The following CERS6 variants were observed in gnomAD, a reference collection of about 807,000 sequenced individuals.
CERS6 encodes ceramide synthase 6, also known as LAG1 homolog, ceramide synthase 6.
CERS6 carries 26 observed loss-of-function variants against 56.8 expected under a neutral mutation model. The ratio of observed to expected loss-of-function variants is 0.46; its 90% confidence interval spans 0.34 to 0.63. The LOEUF is 0.63. Ranked by LOEUF, CERS6 falls within the 30% of genes least tolerant of loss-of-function variation. CERS6 has a pLI of 0.01. For missense variants in CERS6, 415 were observed against 467.5 expected, an observed-to-expected ratio of 0.89 and a Z score of 1.04; for synonymous variants, 164 against 173.3, an observed-to-expected ratio of 0.95 and a Z score of 0.42.
intron 4 of CERS6, among the ~76,000 whole-genome samples, chr2:168,677,058 T>C (rs1237739041): frequency 6.7e-6 from 1 of 150,372 alleles, no homozygotes; most frequent in Non-Finnish European, 1.5e-5. Flanking sequence ...CTGGGATACA[T>C]GTGCAGAATG....
chr2:168,492,783 G>A (rs965065938), intron 1 of CERS6, among the ~76,000 whole-genome samples: 1 of 151,964 alleles, frequency 6.6e-6, no homozygotes, highest in Admixed American at 6.6e-5. Flanking sequence ...CTTTTATTGG[G>A]AGAGGAATAT....
intron 3 of CERS6, among the ~76,000 whole-genome samples, chr2:168,599,961 ATAAACCT>A (rs1319273174): frequency 3.3e-5 from 5 of 152,182 alleles, no homozygotes; most frequent in Non-Finnish European, 5.9e-5. Flanking sequence ...CTTCCCCTTA[ATAAACCT>A]AAGAGTCATT....
chr2:168,532,612 G>A (rs1224915498), intron 1 of CERS6, among the ~76,000 whole-genome samples: 1 of 152,008 alleles, frequency 6.6e-6, no homozygotes, highest in Non-Finnish European at 1.5e-5. Flanking sequence ...CTGTCTCAGG[G>A]CTTTCCATGT....
intron 8 of CERS6, among the ~76,000 whole-genome samples, chr2:168,761,647 GGTCAATCAACAAACGTGTCTAGCCAGCAT>G (rs1375422929): frequency 1.2e-4 from 19 of 152,022 alleles, no homozygotes; most frequent in Non-Finnish European, 1.5e-5. Flanking sequence ...GCAAACACGT[GGTCAATCAACAAACGTGTCTAGCCAGCAT>G]GTTACTTCCA....
At chr2:168,760,765 TA>T (rs1559083908) in intron 8 of CERS6, among the ~76,000 whole-genome samples, 5 of 128,064 alleles carry the variant, frequency 3.9e-5, no homozygotes, top group Non-Finnish European at 5.6e-5. Flanking sequence ...TTTATTTATT[TA>T]TTTTTTTGAG....
At chr2:168,627,952 T>A (rs1237746345) in intron 3 of CERS6, among the ~76,000 whole-genome samples, 1 of 152,172 alleles carries the variant, frequency 6.6e-6, no homozygotes, top group Non-Finnish European at 1.5e-5. Context: ...CAGTGGATAA[T>A]AATGCTGCAC....
At chr2:168,596,827 C>T (rs1378181190) in intron 3 of CERS6, among the ~76,000 whole-genome samples, 7 of 152,066 alleles carry the variant, frequency 4.6e-5, no homozygotes, top group Admixed American at 1.3e-4. Flanking sequence ...CCACCATGCC[C>T]GGCTCCCATC....
chr2:168,672,816 C>T (rs1183200186), intron 4 of CERS6, among the ~76,000 whole-genome samples: 2 of 152,162 alleles, frequency 1.3e-5, no homozygotes, highest in East Asian at 3.9e-4. Context: ...CAGCTCCTCC[C>T]CCAAAAAATG....
At chr2:168,695,183 A>G (rs1164121517) in intron 6 of CERS6, 132 bp downstream of exon 6, 4 of 650,540 alleles carry the variant, frequency 6.1e-6, no homozygotes, top group Non-Finnish European at 1.1e-5. Context: ...TTGCTGCGTT[A>G]TTACAGAAAG....
intron 3 of CERS6, among the ~76,000 whole-genome samples, chr2:168,563,897 G>A (rs948506902): frequency 1.3e-5 from 2 of 152,176 alleles, no homozygotes; most frequent in African/African-American, 2.4e-5. Context: ...TGCACGGGGG[G>A]TTTGCTGGGA....
In CERS6 at chr2:168,456,321, C is replaced by CGGCG; in HGVS notation, c.-121_-118dup. 2 of 436,484 alleles carry CGGCG rather than the reference C, an allele frequency of 4.6e-6. No homozygotes were observed. Among genetic ancestry groups the CGGCG allele is most frequent in the Non-Finnish European group, 6.6e-6 (2 of 301,866 alleles). 27.0% of individuals were successfully genotyped at this position (436,484 alleles called of 1,614,324 possible). A position where few individuals can be genotyped will look rare whatever the true frequency, so the allele number is the denominator to read the frequency against. On this transcript the variant is annotated 5_prime_UTR_variant, in exon 1 of 10. Transcript: ENST00000305747. This position sits in a 1 kb window ranked among gnomAD's most constrained non-coding sequence, Gnocchi z 4.1. ...GCAGCGGCCGCGGAGGAGGCGGCGG[C>CGGCG]GGCGGGCGGGAGCAGCGGCGGCGGC...
intron 1 of CERS6, among the ~76,000 whole-genome samples, chr2:168,478,268 C>T (rs985146597): frequency 1.3e-5 from 2 of 152,168 alleles, no homozygotes; most frequent in Non-Finnish European, 2.9e-5. Context: ...GTTTTGGTCA[C>T]TGTACTCAGT....
chr2:168,680,943 G>A (rs1559049895), intron 4 of CERS6, among the ~76,000 whole-genome samples: 1 of 152,204 alleles, frequency 6.6e-6, no homozygotes, highest in Non-Finnish European at 1.5e-5. Context: ...GTTTATTCCT[G>A]CTGTAGCATG....
At chr2:168,530,163 G>A (rs2105361745) in intron 1 of CERS6, among the ~76,000 whole-genome samples, 1 of 152,338 alleles carries the variant, frequency 6.6e-6, no homozygotes, top group Admixed American at 6.5e-5. Flanking sequence ...TCGGATTTGT[G>A]TGACATGTCA....
chr2:168,536,727 A>G (rs1695270663), intron 1 of CERS6, among the ~76,000 whole-genome samples: 1 of 152,232 alleles, frequency 6.6e-6, no homozygotes, highest in Admixed American at 6.5e-5. Context: ...TAATAAAAAC[A>G]TGGTAAGCAA....
At chr2:168,703,360 C>A (rs1178930658) in intron 6 of CERS6, among the ~76,000 whole-genome samples, 1 of 152,092 alleles carries the variant, frequency 6.6e-6, no homozygotes, top group Non-Finnish European at 1.5e-5. Context: ...AGTTCGAGAC[C>A]AGCCTGGCCA....
Position 168,456,671 on chromosome 2 carries a change from C to T in CERS6, c.170+53C>T. The T allele has an allele frequency of 6.4e-7, 1 of 1,556,978 alleles. No homozygotes were observed. On this transcript the variant is annotated intron_variant, in intron 1 of 9. Coordinates refer to ENST00000305747, the MANE Select transcript of CERS6 (RefSeq NM_203463.3). The surrounding 1 kb of genome is among the most constrained non-coding windows in gnomAD (Gnocchi z 4.1). Reference sequence around the variant, plus strand: ...CTCCCCCTGCGCACACACACGCGCGCACACACTCGCGCGCTCTCTGGCGCA... The same window carrying T: ...CTCCCCCTGCGCACACACACGCGCGTACACACTCGCGCGCTCTCTGGCGCA...
At chr2:168,479,846 G>A (rs1694147174) in intron 1 of CERS6, among the ~76,000 whole-genome samples, 1 of 152,170 alleles carries the variant, frequency 6.6e-6, no homozygotes, top group African/African-American at 2.4e-5. Flanking sequence ...GACCTAAGGT[G>A]ATCTGCCCGC....
At chr2:168,596,524 A>G (rs1683800282) in intron 3 of CERS6, among the ~76,000 whole-genome samples, 1 of 151,320 alleles carries the variant, frequency 6.6e-6, no homozygotes, top group Non-Finnish European at 1.5e-5. Context: ...TTCATTCATT[A>G]AATCATTGTT....
Sources: allele counts gnomAD v4.1 joint callset (sites outside exome capture counted in the v4.1 genomes callset), GRCh38; gene constraint gnomAD v4.1.1; non-coding constraint Gnocchi (gnomAD v3.1); transcripts MANE v1.5; gene names NCBI Gene and HGNC (gene_info 2026-07-23, HGNC 2026-07-21).